Variants in GSDME observed in about 807,000 individuals in gnomAD.
GSDME encodes gasdermin-E.
In GSDME, 44 loss-of-function variants were observed where a neutral mutation model predicts 47.5. The observed-to-expected ratio is 0.93, with a 90% CI of 0.73 to 1.19. The LOEUF is 1.19. Among genes scored for constraint, GSDME ranks in the 50% most tolerant of loss-of-function variants. The pLI is 0.00. For synonymous variants in GSDME, 258 were observed against 252.8 expected, an observed-to-expected ratio of 1.02 and a Z score of -0.20; for missense variants, 663 against 604.2, an observed-to-expected ratio of 1.10 and a Z score of -1.02.
chr7:24,767,918 T>C, the GSDME span, among the ~76,000 whole-genome samples: 2 of 152,340 alleles, frequency 1.3e-5, no homozygotes, highest in South Asian at 4.1e-4. This position sits in a 1 kb window ranked among gnomAD's most constrained non-coding sequence, Gnocchi z 5.3. Flanking sequence ...TATTAATGTT[T>C]TATTAAGGGC....
chr7:24,706,034 C>CCA lies in GSDME; in HGVS notation c.1183+148_1183+149dup, dbSNP rs1337716687. ...CGAAGGGGGGTTTCCCATCAGCCTCCCACCTCTTACCCTCCCTGTACCAGA... is the reference window on the plus strand; with the variant it reads ...CGAAGGGGGGTTTCCCATCAGCCTCCCACACCTCTTACCCTCCCTGTACCAGA... On this transcript the variant is annotated intron_variant, in intron 8 of 9. Coordinates refer to ENST00000645220, the MANE Select transcript of GSDME (RefSeq NM_001127453.2). 9 of 995,654 alleles carry CCA rather than the reference C, an allele frequency of 9.0e-6. No individual in the cohort carries two copies. In the East Asian group the frequency reaches 1.3e-4, roughly 14 times the overall value. 61.7% of individuals were successfully genotyped at this position (995,654 alleles called of 1,614,324 possible). A position where few individuals can be genotyped will look rare whatever the true frequency, so the allele number is the denominator to read the frequency against.
At position 24,706,381 on chromosome 7, in the gene GSDME, A is replaced by AG; in HGVS notation, c.991-6dup. ...GCCGCTGACCAGGTCATCGCACTGTAGGGCAGGGAAGAAGAAGGGTCATGA... is the reference window on the plus strand; with the variant it reads ...GCCGCTGACCAGGTCATCGCACTGTAGGGGCAGGGAAGAAGAAGGGTCATGA... On this transcript the variant is annotated splice_region_variant and splice_polypyrimidine_tract_variant and intron_variant, in intron 7 of 9. Transcript: ENST00000645220. 6.2e-7 allele frequency: 1 copy of AG among 1,611,754 alleles called. No individual in the cohort carries two copies. The highest frequency in any genetic ancestry group is 1.1e-5 in the South Asian group (1 of 90,832).
In GSDME at chr7:24,725,416, C is replaced by T. The variant is rs533168600; in HGVS notation, c.405-6198G>A. Among the ~76,000 whole-genome samples the T allele has an allele frequency of 2.0e-5, 3 of 152,134 alleles. No homozygotes were observed. Among genetic ancestry groups the T allele is most frequent in the African/African-American group, 7.2e-5 (3 of 41,508 alleles). On this transcript the variant is annotated intron_variant, in intron 3 of 9. Coordinates refer to ENST00000645220, the MANE Select transcript of GSDME (RefSeq NM_001127453.2). This position sits in a 1 kb window ranked among gnomAD's most constrained non-coding sequence, Gnocchi z 5.1. The stretch of plus-strand genomic sequence containing the variant: ...GATGCTTTATAAGGGAGCCCTCAGC[C>T]AGGTGTAGGAGGACGAGCCGCAGAC...
intron 3 of GSDME, among the ~76,000 whole-genome samples, chr7:24,727,536 C>T (rs1194518276): frequency 6.6e-6 from 1 of 152,200 alleles, no homozygotes; most frequent in Non-Finnish European, 1.5e-5. Flanking sequence ...CAGAACTTCT[C>T]CCAAGGGTTT....
At chr7:24,750,543 T>C (rs977833142) in intron 1 of GSDME, among the ~76,000 whole-genome samples, 6 of 152,118 alleles carry the variant, frequency 3.9e-5, no homozygotes, top group African/African-American at 1.4e-4. Flanking sequence ...AGCCCAGGAG[T>C]TCAAAACTGC....
rs1050641144 is a variant in GSDME at position 24,745,919 on chromosome 7, T to G, written c.212-1165A>C. ...ATCATCACCATTTGGTAAGGAGACA[T>G]TAAGAGTCCACTAGGAACCTCACAC... On this transcript the variant is annotated intron_variant, in intron 2 of 9. Coordinates refer to ENST00000645220, the MANE Select transcript of GSDME (RefSeq NM_001127453.2). The surrounding 1 kb of genome is among the most constrained non-coding windows in gnomAD (Gnocchi z 4.4). 2.0e-5 allele frequency among the ~76,000 whole-genome samples: 3 copies of G among 152,192 alleles called. No individual in the cohort carries two copies. Among genetic ancestry groups the G allele is most frequent in the Non-Finnish European group, 2.9e-5 (2 of 68,030 alleles).
At chr7:24,719,264 A>T in intron 3 of GSDME, 46 bp from the exon 4 acceptor site, 1 of 1,587,154 alleles carries the variant, frequency 6.3e-7, no homozygotes, top group Non-Finnish European at 8.6e-7. Flanking sequence ...CTCAGGGGAC[A>T]TTGGTGTAGT....
intron 1 of GSDME, among the ~76,000 whole-genome samples, chr7:24,752,871 G>A (rs780787810): frequency 6.6e-5 from 10 of 152,262 alleles, no homozygotes; most frequent in Non-Finnish European, 1.3e-4. Flanking sequence ...AATCAGGCTT[G>A]CCATTAAAAA....
chr7:24,744,416 C>T lies in GSDME; in HGVS notation c.404+146G>A. ...CAATTCCAGACTAAAGAATGTGCTCCTCATGAAATTTCAACACAAGCGCAT... is the reference window on the plus strand; with the variant it reads ...CAATTCCAGACTAAAGAATGTGCTCTTCATGAAATTTCAACACAAGCGCAT... On this transcript the variant is annotated intron_variant, in intron 3 of 9. Coordinates refer to ENST00000645220, the MANE Select transcript of GSDME (RefSeq NM_001127453.2). This position sits in a 1 kb window ranked among gnomAD's most constrained non-coding sequence, Gnocchi z 4.5. 1.1e-6 allele frequency: 1 copy of T among 915,368 alleles called. No individual in the cohort carries two copies. Among genetic ancestry groups the T allele is most frequent in the Non-Finnish European group, 1.8e-6 (1 of 570,450 alleles). The allele number at this position is 915,368 out of a possible 1,614,324, so 56.7% of individuals were successfully genotyped here. A position where few individuals can be genotyped will look rare whatever the true frequency, so the allele number is the denominator to read the frequency against.
At chr7:24,699,701 T>C (rs1005644950) in intron 9 of GSDME, among the ~76,000 whole-genome samples, 2 of 152,152 alleles carry the variant, frequency 1.3e-5, no homozygotes, top group African/African-American at 2.4e-5. Flanking sequence ...TGTAACATGA[T>C]ATATTTGATC....
the GSDME span, among the ~76,000 whole-genome samples, chr7:24,766,183 TTGTGTG>T: frequency 6.2e-5 from 9 of 144,518 alleles, no homozygotes; most frequent in African/African-American, 1.3e-4. This position sits in a 1 kb window ranked among gnomAD's most constrained non-coding sequence, Gnocchi z 4.2. Context: ...ATTACATTAT[TTGTGTG>T]TGTGTGTGTG....
rs1790195215 is a variant in GSDME, at chr7:24,733,039, A to G, written c.404+11523T>C. ...CCTTCCTTGTGCTTGAGGAGAGGAG[A>G]GGGAAGAGGAAAAAGGACTTTGTAC... On this transcript the variant is annotated intron_variant, in intron 3 of 9. Coordinates refer to ENST00000645220, the MANE Select transcript of GSDME (RefSeq NM_001127453.2). This position sits in a 1 kb window ranked among gnomAD's most constrained non-coding sequence, Gnocchi z 4.3. 6.6e-6 allele frequency among the ~76,000 whole-genome samples: 1 copy of G among 151,818 alleles called. No homozygotes were observed. Among genetic ancestry groups the G allele is most frequent in the Non-Finnish European group, 1.5e-5 (1 of 68,002 alleles).
the GSDME span, among the ~76,000 whole-genome samples, chr7:24,766,160 G>T: frequency 1.3e-5 from 2 of 149,414 alleles, no homozygotes; most frequent in Non-Finnish European, 3.0e-5. The surrounding 1 kb of genome is among the most constrained non-coding windows in gnomAD (Gnocchi z 4.2). Flanking sequence ...GATTTCTATG[G>T]CCATGATATT....
intron 9 of GSDME, among the ~76,000 whole-genome samples, chr7:24,701,500 G>A (rs77111620): frequency 0.022 from 3,293 of 152,212 alleles, 128 homozygotes; most frequent in African/African-American, 0.075. Flanking sequence ...ACATGGGCTT[G>A]GCAGGATTTT....
At chr7:24,793,522 C>T in the GSDME span, among the ~76,000 whole-genome samples, 1 of 152,192 alleles carries the variant, frequency 6.6e-6, no homozygotes, top group Non-Finnish European at 1.5e-5. Flanking sequence ...TTCTTACACA[C>T]TTTGCATATA....
chr7:24,717,568 C>T (rs113031854), intron 4 of GSDME, among the ~76,000 whole-genome samples, 194 bp from the exon 5 acceptor site: 46 of 152,304 alleles, frequency 3.0e-4, no homozygotes, highest in African/African-American at 1.1e-3. Context: ...CACAAATTCC[C>T]AAGTAAACGG....
the GSDME span, among the ~76,000 whole-genome samples, chr7:24,774,863 A>G: frequency 6.6e-6 from 1 of 152,148 alleles, no homozygotes; most frequent in Non-Finnish European, 1.5e-5. Context: ...GCTGATGCAG[A>G]TGTGAAACCC....
In GSDME at chr7:24,705,036, G is replaced by A. The variant is rs1386737967; in HGVS notation, c.1183+1148C>T. On this transcript the variant is annotated intron_variant, in intron 8 of 9. Transcript: ENST00000645220. The surrounding 1 kb of genome is among the most constrained non-coding windows in gnomAD (Gnocchi z 4.1). ...GTCTAGGCTCAAGTAGAAGGGGACT[G>A]TGGTGCTTTCATGATGCTGGCCCTG... 1.3e-5 allele frequency: 2 copies of A among 152,340 alleles called. No individual in the cohort carries two copies. Among genetic ancestry groups the A allele is most frequent in the East Asian group, 3.9e-4 (2 of 5,166 alleles). 9.4% of individuals were successfully genotyped at this position (152,340 alleles called of 1,614,324 possible). A position where few individuals can be genotyped will look rare whatever the true frequency, so the allele number is the denominator to read the frequency against.
chr7:24,773,279 C>T, the GSDME span, among the ~76,000 whole-genome samples: 1 of 152,238 alleles, frequency 6.6e-6, no homozygotes, highest in Middle Eastern at 3.4e-3. The surrounding 1 kb of genome is among the most constrained non-coding windows in gnomAD (Gnocchi z 5.4). Flanking sequence ...ATCATTTGGG[C>T]CTTAATTCTG....
Sources: gnomAD v4.1 joint callset for allele counts (sites outside exome capture counted in the v4.1 genomes callset) on GRCh38, gnomAD v4.1.1 for gene constraint, Gnocchi (gnomAD v3.1) non-coding constraint, MANE v1.5 for transcripts, NCBI Gene and HGNC (gene_info 2026-07-23, HGNC 2026-07-21) for gene names.